The following FGF13 variants were observed in gnomAD, a reference collection of about 807,000 sequenced individuals.
FGF13 encodes fibroblast growth factor homologous factor 2.
A neutral mutation model predicts 19.5 loss-of-function variants in FGF13; 2 were observed. The observed-to-expected ratio is 0.10, with a 90% CI of 0.04 to 0.32. The LOEUF (loss-of-function observed/expected upper bound fraction) is 0.32. Ranked by LOEUF, FGF13 falls within the 10% of genes least tolerant of loss-of-function variation. FGF13 has a pLI of 1.00. For missense variants in FGF13, 113 were observed against 192.7 expected (o/e 0.59, Z 2.45); for synonymous variants, 72 against 76.9 (o/e 0.94, Z 0.33).
intron 1 of FGF13, among the ~76,000 whole-genome samples, chrX:138,998,203 C>T (rs1009780313): frequency 3.6e-5 from 4 of 111,582 alleles, no homozygotes; most frequent in Admixed American, 9.6e-5. Flanking sequence ...TGGAAAGGAA[C>T]GACCAGTACC....
chrX:138,887,990 G>A (rs187770275), intron 1 of FGF13, among the ~76,000 whole-genome samples: 4,836 of 111,721 alleles, frequency 0.043, 281 homozygotes, highest in African/African-American at 0.15. Flanking sequence ...TTCTCCTGCC[G>A]TTATAGTTTT....
At chrX:138,885,253 C>T (rs923108766) in intron 1 of FGF13, among the ~76,000 whole-genome samples, 4 of 111,125 alleles carry the variant, frequency 3.6e-5, no homozygotes, top group African/African-American at 1.3e-4. Context: ...TAACTGACCC[C>T]AGGAGAAGCT....
At chrX:138,929,725 C>A (rs1358259711) in intron 1 of FGF13, among the ~76,000 whole-genome samples, 2 of 110,538 alleles carry the variant, frequency 1.8e-5, no homozygotes, top group African/African-American at 6.6e-5. Flanking sequence ...AGTTCAAACT[C>A]CTCTATTTTT....
chrX:138,780,799 T>A (rs1602839470), intron 3 of FGF13, among the ~76,000 whole-genome samples: 1 of 110,863 alleles, frequency 9.0e-6, no homozygotes, highest in East Asian at 2.8e-4. Context: ...TGAACTCACC[T>A]CTGCACCAAG....
chrX:138,744,410 G>A (rs749346525), intron 3 of FGF13, among the ~76,000 whole-genome samples: 1 of 111,892 alleles, frequency 8.9e-6, no homozygotes, highest in South Asian at 3.7e-4. Flanking sequence ...GCAAAAACAG[G>A]TGGTGGGACT....
chrX:139,176,021 T>C (rs1232251725), intron 1 of FGF13, among the ~76,000 whole-genome samples: 2 of 111,769 alleles, frequency 1.8e-5, no homozygotes, highest in African/African-American at 6.5e-5. Flanking sequence ...GCTGTGAATC[T>C]GTCTGGTCCT....
intron 1 of FGF13, among the ~76,000 whole-genome samples, chrX:138,885,906 T>C (rs1422239050): frequency 1.8e-5 from 2 of 111,298 alleles, no homozygotes; most frequent in African/African-American, 6.5e-5. Flanking sequence ...CTAACTGGAA[T>C]ATAATTCCAA....
intron 1 of FGF13, among the ~76,000 whole-genome samples, chrX:139,137,329 A>G (rs2083808852): frequency 8.9e-6 from 1 of 112,310 alleles, no homozygotes; most frequent in Non-Finnish European, 1.9e-5. Flanking sequence ...AGGCAAACAC[A>G]CAAACAAGCA....
Position 139,025,954 on chromosome X carries a change from C to T in FGF13, c.-112-161304G>A, listed in dbSNP as rs147658876. 5.7e-3 allele frequency among the ~76,000 whole-genome samples: 636 copies of T among 111,109 alleles called. 5 individuals are homozygous for T. The highest frequency in any genetic ancestry group is 0.02 in the African/African-American group (602 of 30,583). Reference sequence around the variant, plus strand: ...ATGTTGAACACTTCCTCCTCCTTTGCATCCACAACAATGCAAATTCCTGGT... The same window carrying T: ...ATGTTGAACACTTCCTCCTCCTTTGTATCCACAACAATGCAAATTCCTGGT... On this transcript the variant is annotated intron_variant, in intron 1 of 2. Transcript: ENST00000421460.
intron 3 of FGF13, among the ~76,000 whole-genome samples, chrX:138,780,939 A>G (rs2090636376): frequency 9.0e-6 from 1 of 110,505 alleles, no homozygotes; most frequent in Non-Finnish European, 1.9e-5. Flanking sequence ...CAGCAAATGT[A>G]AAAGAACAGA....
chrX:139,018,705 G>A (rs190607676), intron 1 of FGF13, among the ~76,000 whole-genome samples: 1 of 111,145 alleles, frequency 9.0e-6, no homozygotes, highest in East Asian at 2.9e-4. Context: ...CTAGAACATG[G>A]GAAAAGGTTC....
chrX:138,920,987 C>T (rs2091641816), intron 1 of FGF13, among the ~76,000 whole-genome samples: 1 of 111,756 alleles, frequency 8.9e-6, no homozygotes. Flanking sequence ...TTCATGTATA[C>T]CCTCAGACAA....
At chrX:139,119,716 A>T (rs1418439913) in intron 1 of FGF13, among the ~76,000 whole-genome samples, 1 of 112,434 alleles carries the variant, frequency 8.9e-6, no homozygotes, top group Non-Finnish European at 1.9e-5. Flanking sequence ...TTTGTTAATG[A>T]TATAAATTAA....
At chrX:138,783,739 T>A (rs1316207810) in intron 3 of FGF13, among the ~76,000 whole-genome samples, 1 of 106,869 alleles carries the variant, frequency 9.4e-6, no homozygotes, top group Non-Finnish European at 2.0e-5. Context: ...AGTTCAACCA[T>A]TGTGGAAGTC....
At chrX:139,070,213 A>C (rs181100929) in intron 1 of FGF13, among the ~76,000 whole-genome samples, 53 of 111,653 alleles carry the variant, frequency 4.7e-4, no homozygotes, top group African/African-American at 1.5e-3. Flanking sequence ...TGGGAGAAAA[A>C]ATTTGCAATC....
chrX:139,081,978 T>C (rs757799478), intron 1 of FGF13, among the ~76,000 whole-genome samples: 8 of 111,660 alleles, frequency 7.2e-5, no homozygotes, highest in Non-Finnish European at 1.1e-4. Flanking sequence ...ATCAATCTCC[T>C]GCTCAAAAGT....
At chrX:139,109,576 G>C (rs1430653352) in intron 1 of FGF13, among the ~76,000 whole-genome samples, 1 of 111,392 alleles carries the variant, frequency 9.0e-6, no homozygotes, top group Admixed American at 9.6e-5. Flanking sequence ...TTTGGCATTT[G>C]AGCTCAGCCA....
At chrX:138,811,665 A>G (rs188539800) in intron 3 of FGF13, among the ~76,000 whole-genome samples, 6 of 111,053 alleles carry the variant, frequency 5.4e-5, no homozygotes, top group Non-Finnish European at 1.1e-4. Context: ...TAAGATAGAC[A>G]CTGTATAGTA....
chrX:138,892,032 G>GTGTGTGTGTGTATA (rs1569419135), intron 1 of FGF13, among the ~76,000 whole-genome samples: 3 of 108,301 alleles, frequency 2.8e-5, no homozygotes, highest in African/African-American at 1.0e-4. Context: ...GTGTGTGTGT[G>GTGTGTGTGTGTATA]TATTATCTCC....
Sources: allele counts gnomAD v4.1 joint callset (sites outside exome capture counted in the v4.1 genomes callset), GRCh38; gene constraint gnomAD v4.1.1; transcripts MANE v1.5; gene names NCBI Gene and HGNC (gene_info 2026-07-23, HGNC 2026-07-21).